The following GMDS variants were observed in gnomAD, a reference collection of about 807,000 sequenced individuals.
GMDS encodes the protein GDP-mannose 4,6 dehydratase.
Under a neutral mutation model 49.9 loss-of-function variants are expected in GMDS, and 20 were observed. The observed-to-expected ratio is 0.40, with a 90% confidence interval of 0.28 to 0.58. GMDS has a LOEUF of 0.58. Among genes scored for constraint, GMDS ranks in the 20% least tolerant of loss-of-function variants. The pLI is 0.42. For synonymous variants in GMDS, 177 were observed against 178.6 expected (o/e 0.99, Z 0.07); for missense variants, 362 against 481.4 (o/e 0.75, Z 2.32).
chr6:1,686,831 TA>T (rs1470140140), intron 9 of GMDS, among the ~76,000 whole-genome samples: 4 of 152,200 alleles, frequency 2.6e-5, no homozygotes, highest in Non-Finnish European at 5.9e-5. Flanking sequence ...GAGGTACTGG[TA>T]AGATAAAGGA....
At chr6:1,695,576 G>A (rs995214799) in intron 9 of GMDS, among the ~76,000 whole-genome samples, 4 of 152,176 alleles carry the variant, frequency 2.6e-5, no homozygotes, top group East Asian at 1.9e-4. Context: ...AGTAGATAAC[G>A]TCTAACAGCC....
intron 2 of GMDS, among the ~76,000 whole-genome samples, chr6:2,118,721 C>T (rs1315177752): frequency 6.6e-6 from 1 of 152,092 alleles, no homozygotes; most frequent in Non-Finnish European, 1.5e-5. Context: ...AAGAACGAAA[C>T]CCAAGAAAAG....
At chr6:1,822,520 A>G (rs1231312477) in intron 7 of GMDS, among the ~76,000 whole-genome samples, 1 of 152,244 alleles carries the variant, frequency 6.6e-6, no homozygotes, top group African/African-American at 2.4e-5. Flanking sequence ...GAAACAATAC[A>G]TAGTCATGAG....
intron 4 of GMDS, among the ~76,000 whole-genome samples, chr6:1,978,293 C>T (rs1765029504): frequency 6.6e-6 from 1 of 152,136 alleles, no homozygotes; most frequent in African/African-American, 2.4e-5. Context: ...ACCTGGTGGG[C>T]CCACCAGCCA....
chr6:2,121,730 C>T (rs1775148808), intron 2 of GMDS, among the ~76,000 whole-genome samples: 2 of 152,190 alleles, frequency 1.3e-5, no homozygotes, highest in Admixed American at 6.5e-5. Context: ...TTTCATTTTG[C>T]TTTTCTGATG....
chr6:1,951,384 T>G (rs1201134655), intron 6 of GMDS, among the ~76,000 whole-genome samples: 1 of 152,204 alleles, frequency 6.6e-6, no homozygotes, highest in African/African-American at 2.4e-5. Flanking sequence ...GTGTTTAGAC[T>G]GATGTATATG....
chr6:1,991,794 C>T (rs759976759), intron 4 of GMDS, among the ~76,000 whole-genome samples: 8 of 152,174 alleles, frequency 5.3e-5, no homozygotes, highest in African/African-American at 9.7e-5. Flanking sequence ...ATTAGAGTAC[C>T]TGCCGATGTA....
intron 9 of GMDS, among the ~76,000 whole-genome samples, chr6:1,723,595 A>ATTTT (rs113558437): frequency 0.02 from 2,915 of 148,372 alleles, 72 homozygotes; most frequent in African/African-American, 0.061. Context: ...TCTTTATGGC[A>ATTTT]ATTTTTTTTT....
chr6:2,202,344 G>A (rs1250559810), intron 1 of GMDS, among the ~76,000 whole-genome samples: 2 of 151,428 alleles, frequency 1.3e-5, no homozygotes, highest in Non-Finnish European at 2.9e-5. Flanking sequence ...ATGCACATCC[G>A]AGATGAAACC....
rs866369228 is a variant in GMDS at position 1,813,356 on chromosome 6, C to T, written c.772-70770G>A. On this transcript the variant is annotated intron_variant, in intron 7 of 10. Coordinates refer to ENST00000380815, the MANE Select transcript of GMDS (RefSeq NM_001500.4). ...TTTTTCTAAGCTAATCACTTTAAAG[C>T]GTTCGTTAGATGAAGGTTCAGAAGA... Among the ~76,000 whole-genome samples the T allele has an allele frequency of 4.0e-5, 6 of 151,026 alleles. No homozygotes were observed. The Middle Eastern group carries it at 0.01, about 260-fold the overall frequency.
intron 9 of GMDS, among the ~76,000 whole-genome samples, chr6:1,651,504 A>C (rs1763652012): frequency 6.6e-6 from 1 of 152,120 alleles, no homozygotes; most frequent in African/African-American, 2.4e-5. Flanking sequence ...TGGCCATCCC[A>C]TGGGCACACC....
At chr6:2,160,908 C>T (rs1240396013) in intron 1 of GMDS, among the ~76,000 whole-genome samples, 1 of 152,214 alleles carries the variant, frequency 6.6e-6, no homozygotes, top group Non-Finnish European at 1.5e-5. Flanking sequence ...AATACCACTT[C>T]TCTAAATATA....
chr6:2,105,370 T>C (rs1052668521), intron 4 of GMDS, among the ~76,000 whole-genome samples: 1 of 152,160 alleles, frequency 6.6e-6, no homozygotes, highest in African/African-American at 2.4e-5. Flanking sequence ...ACTTCTTCTC[T>C]AGGGAAGATG....
chr6:1,791,525 A>G (rs555368573), intron 7 of GMDS, among the ~76,000 whole-genome samples: 1 of 152,308 alleles, frequency 6.6e-6, no homozygotes, highest in Non-Finnish European at 1.5e-5. Context: ...GTGATCTCCC[A>G]AAGGCCACAT....
At chr6:1,687,316 T>C (rs1214032192) in intron 9 of GMDS, among the ~76,000 whole-genome samples, 1 of 152,140 alleles carries the variant, frequency 6.6e-6, no homozygotes, top group African/African-American at 2.4e-5. Context: ...CACGGGCTGG[T>C]TGGGTTTCAG....
chr6:2,097,569 G>T (rs1773680644), intron 4 of GMDS, among the ~76,000 whole-genome samples: 1 of 152,150 alleles, frequency 6.6e-6, no homozygotes, highest in Non-Finnish European at 1.5e-5. Context: ...CATGCTAGTG[G>T]CCCTTGACAA....
chr6:1,992,782 T>A (rs1450618704), intron 4 of GMDS, among the ~76,000 whole-genome samples: 4 of 152,214 alleles, frequency 2.6e-5, no homozygotes, highest in Non-Finnish European at 5.9e-5. Flanking sequence ...GCTTACCTTG[T>A]TCCCCAACAG....
chr6:1,783,872 T>A (rs1014018343), intron 7 of GMDS, among the ~76,000 whole-genome samples: 5 of 152,134 alleles, frequency 3.3e-5, no homozygotes, highest in African/African-American at 1.2e-4. Flanking sequence ...AACATTGCGA[T>A]GTGAAGGTTA....
At chr6:2,014,976 T>C (rs1190795985) in intron 4 of GMDS, among the ~76,000 whole-genome samples, 1 of 152,136 alleles carries the variant, frequency 6.6e-6, no homozygotes, top group African/African-American at 2.4e-5. Context: ...GAAGACATTA[T>C]GTAATGATAA....
Sources: gnomAD v4.1 joint callset for allele counts (sites outside exome capture counted in the v4.1 genomes callset) on GRCh38, gnomAD v4.1.1 for gene constraint, MANE v1.5 for transcripts, NCBI Gene and HGNC (gene_info 2026-07-23, HGNC 2026-07-21) for gene names.